The following RGS7 variants were observed in gnomAD, a reference collection of about 807,000 sequenced individuals.
RGS7 encodes regulator of G-protein signaling 7.
Under a neutral mutation model 81.1 loss-of-function variants are expected in RGS7, and 27 were observed. The observed-to-expected ratio is 0.33, with a 90% confidence interval of 0.25 to 0.46. The LOEUF is 0.46. RGS7 is among the 20% of genes least tolerant of loss of function. The pLI, the probability that RGS7 is intolerant of heterozygous loss-of-function variation, is 1.00. For synonymous variants in RGS7, 208 were observed against 207.7 expected, an observed-to-expected ratio of 1.00 and a Z score of -0.01; for missense variants, 396 against 607.4, an observed-to-expected ratio of 0.65 and a Z score of 3.66.
chr1:241,078,324 T>C (rs1007043366), intron 3 of RGS7, among the ~76,000 whole-genome samples: 2 of 148,950 alleles, frequency 1.3e-5, no homozygotes, highest in African/African-American at 4.9e-5. Flanking sequence ...TGTGTGTGTG[T>C]GTGTGTGTGT....
chr1:240,800,936 T>C (rs1393741674), intron 17 of RGS7, among the ~76,000 whole-genome samples: 1 of 152,100 alleles, frequency 6.6e-6, no homozygotes, highest in Non-Finnish European at 1.5e-5. Flanking sequence ...AAATAAGGAA[T>C]AAGAAAGGCA....
At chr1:241,341,231 CAGAG>C (rs2082526394) in intron 2 of RGS7, among the ~76,000 whole-genome samples, 1 of 152,114 alleles carries the variant, frequency 6.6e-6, no homozygotes, top group Admixed American at 6.5e-5. Flanking sequence ...CATGGAGGCT[CAGAG>C]AGAGAAACTG....
chr1:241,058,656 C>T (rs886875521), intron 3 of RGS7, among the ~76,000 whole-genome samples: 1 of 152,210 alleles, frequency 6.6e-6, no homozygotes, highest in African/African-American at 2.4e-5. Context: ...TATCTTATTT[C>T]ACCAGCAGGC....
At chr1:240,875,046 A>G (rs56211001) in intron 6 of RGS7, among the ~76,000 whole-genome samples, 1 of 150,502 alleles carries the variant, frequency 6.6e-6, no homozygotes, top group African/African-American at 2.5e-5. Flanking sequence ...CCATCTCAAA[A>G]CAAAAAACAA....
Position 240,775,877 on chromosome 1 carries a change from GAGAA to G in RGS7, c.*339_*342del, listed in dbSNP as rs1466170042. On this transcript the variant is annotated 3_prime_UTR_variant, in exon 19 of 19. Transcript: ENST00000440928. Reference sequence around the variant, plus strand: ...ACTGAAGCTTTGAGAGAGAGAGAGAGAGAAAGAAGGAAAAAAAGAAAAGGTTTTA... The same window carrying G: ...ACTGAAGCTTTGAGAGAGAGAGAGAGAGAAGGAAAAAAAGAAAAGGTTTTA... The G allele has an allele frequency of 2.7e-6, 1 of 371,542 alleles. No individual in the cohort carries two copies. Among genetic ancestry groups the G allele is most frequent in the Non-Finnish European group, 5.1e-6 (1 of 197,612 alleles). 23.0% of individuals were successfully genotyped at this position (371,542 alleles called of 1,614,324 possible). A position where few individuals can be genotyped will look rare whatever the true frequency, so the allele number is the denominator to read the frequency against.
chr1:241,114,154 G>C (rs1312125851), intron 2 of RGS7, among the ~76,000 whole-genome samples: 1 of 152,116 alleles, frequency 6.6e-6, no homozygotes, highest in African/African-American at 2.4e-5. Context: ...CTCAGCAGTA[G>C]TAAGTCCAAA....
At position 240,829,590 on chromosome 1, in the gene RGS7, C is replaced by T. The variant is rs369156336; in HGVS notation, c.610-2418G>A. Among the ~76,000 whole-genome samples, 7 of 152,182 alleles carry T rather than the reference C, an allele frequency of 4.6e-5. 1 individual carries two copies. In the South Asian group the frequency reaches 1.0e-3, roughly 23 times the overall value. On this transcript the variant is annotated intron_variant, in intron 9 of 18. Coordinates refer to ENST00000440928, the MANE Select transcript of RGS7 (RefSeq NM_001364886.1). ...TTCCATCCCTAAGCCTGAGCCATAA[C>T]GGAAGGGAAGGCAGTAAAATTCTTT...
At chr1:241,025,860 C>T (rs1395080048) in intron 3 of RGS7, among the ~76,000 whole-genome samples, 4 of 152,128 alleles carry the variant, frequency 2.6e-5, no homozygotes, top group African/African-American at 9.7e-5. Flanking sequence ...GACTCACTTT[C>T]TGGAAGTTAG....
intron 2 of RGS7, among the ~76,000 whole-genome samples, chr1:241,349,917 C>T (rs2083130000): frequency 6.6e-6 from 1 of 152,222 alleles, no homozygotes; most frequent in African/African-American, 2.4e-5. Flanking sequence ...AAATACCCTG[C>T]TTTCCATCAC....
At chr1:241,284,859 G>GT (rs954921522) in intron 2 of RGS7, among the ~76,000 whole-genome samples, 57 of 151,132 alleles carry the variant, frequency 3.8e-4, no homozygotes, top group East Asian at 3.1e-3. Flanking sequence ...GTCTTTCTTT[G>GT]TTTTTTTTTG....
chr1:241,105,083 G>A (rs1158795400), intron 2 of RGS7, among the ~76,000 whole-genome samples: 4 of 152,254 alleles, frequency 2.6e-5, no homozygotes, highest in Admixed American at 2.0e-4. Context: ...GCTCAGCGTA[G>A]GGCAGGTTAA....
At chr1:240,931,108 C>T (rs146065164) in intron 5 of RGS7, among the ~76,000 whole-genome samples, 55 of 152,124 alleles carry the variant, frequency 3.6e-4, no homozygotes, top group East Asian at 1.9e-3. Context: ...AGAGTATGTT[C>T]GGCAAGACTC....
chr1:241,309,080 C>T (rs1490749133), intron 2 of RGS7, among the ~76,000 whole-genome samples: 1 of 152,110 alleles, frequency 6.6e-6, no homozygotes, highest in Non-Finnish European at 1.5e-5. Flanking sequence ...GAATGCAAGT[C>T]ATCTTTAGAA....
chr1:240,840,522 C>T (rs959179204), intron 9 of RGS7, among the ~76,000 whole-genome samples: 6 of 152,160 alleles, frequency 3.9e-5, no homozygotes, highest in Admixed American at 6.5e-5. Context: ...ATCCACCCAC[C>T]TTGGCTGCAC....
At position 240,825,615 on chromosome 1, in the gene RGS7, T is replaced by A. The variant is rs575043069; in HGVS notation, c.684+1483A>T. Among the ~76,000 whole-genome samples, 260 of 152,318 alleles carry A rather than the reference T, an allele frequency of 1.7e-3. 1 individual carries two copies. The Middle Eastern group carries it at 0.024, about 14-fold the overall frequency. ...CTGATTCACAAGAAATTAGATGTTA[T>A]CGAGACAAAGAGAGCTAGATCTCAA... On this transcript the variant is annotated intron_variant, in intron 10 of 18. Transcript: ENST00000440928.
At chr1:241,197,135 G>T (rs1314362707) in intron 2 of RGS7, among the ~76,000 whole-genome samples, 1 of 151,480 alleles carries the variant, frequency 6.6e-6, no homozygotes, top group East Asian at 1.9e-4. Flanking sequence ...ACATTTTCAG[G>T]CTGGATTTAA....
In RGS7 at chr1:240,899,365, G is replaced by T. The variant is rs149066537; in HGVS notation, c.386-29246C>A. 5.4e-3 allele frequency among the ~76,000 whole-genome samples: 821 copies of T among 152,276 alleles called. 7 individuals carry two copies. In the Middle Eastern group the frequency reaches 0.054, roughly 10 times the overall value. On this transcript the variant is annotated intron_variant, in intron 6 of 18. Transcript: ENST00000440928. ...GTTATTTTGCTCATTAGTTGATGTGGTTTCTTCCTAGCATCGATGGTCTTT... is the reference window on the plus strand; with the variant it reads ...GTTATTTTGCTCATTAGTTGATGTGTTTTCTTCCTAGCATCGATGGTCTTT...
intron 2 of RGS7, among the ~76,000 whole-genome samples, chr1:241,134,653 C>A (rs1024354141): frequency 6.6e-6 from 1 of 152,112 alleles, no homozygotes; most frequent in African/African-American, 2.4e-5. Flanking sequence ...GGGAAAGTGC[C>A]CTACTTTTTC....
At chr1:241,075,410 C>A (rs986936664) in intron 3 of RGS7, among the ~76,000 whole-genome samples, 1 of 151,980 alleles carries the variant, frequency 6.6e-6, no homozygotes, top group African/African-American at 2.4e-5. Context: ...CCCCTTTTGA[C>A]GAGGAGAAAA....
Sources: allele counts gnomAD v4.1 joint callset (sites outside exome capture counted in the v4.1 genomes callset), GRCh38; gene constraint gnomAD v4.1.1; transcripts MANE v1.5; gene names NCBI Gene and HGNC (gene_info 2026-07-23, HGNC 2026-07-21).